Variants in PTPRM observed in about 807,000 individuals in gnomAD.
PTPRM encodes the protein protein tyrosine phosphatase receptor type M.
Under a neutral mutation model 186.7 loss-of-function variants are expected in PTPRM, and 47 were observed. The ratio of observed to expected loss-of-function variants is 0.25; its 90% confidence interval spans 0.20 to 0.32. PTPRM has a LOEUF of 0.32. Ranked by LOEUF, PTPRM falls within the 10% of genes least tolerant of loss-of-function variation. PTPRM has a pLI of 1.00. For synonymous variants in PTPRM, 668 were observed against 674.9 expected (o/e 0.99, Z 0.16); for missense variants, 1,494 against 1,865.0 (o/e 0.80, Z 3.66).
At chr18:7,856,770 T>C (rs73941017) in intron 2 of PTPRM, among the ~76,000 whole-genome samples, 13,993 of 148,738 alleles carry the variant, frequency 0.094, 782 homozygotes, top group South Asian at 0.23. Flanking sequence ...ATCAAGAGTG[T>C]GCCTGCTTTG....
At chr18:7,827,612 G>C (rs2045552259) in intron 2 of PTPRM, among the ~76,000 whole-genome samples, 1 of 152,082 alleles carries the variant, frequency 6.6e-6, no homozygotes. Context: ...AATGATCTTG[G>C]GCACCAAGCA....
chr18:8,043,634 C>T (rs1480855651), intron 7 of PTPRM, among the ~76,000 whole-genome samples: 1 of 151,878 alleles, frequency 6.6e-6, no homozygotes. Flanking sequence ...CTGATGCTTC[C>T]ATGGAGAAGT....
At chr18:8,066,582 T>C (rs530483818) in intron 7 of PTPRM, among the ~76,000 whole-genome samples, 2 of 152,198 alleles carry the variant, frequency 1.3e-5, no homozygotes, top group East Asian at 3.9e-4. Context: ...AGCAACACAT[T>C]AGTAGGCACA....
Position 7,718,246 on chromosome 18 carries a change from C to T in PTPRM, c.74-55903C>T, listed in dbSNP as rs1485826465. Among the ~76,000 whole-genome samples the T allele has an allele frequency of 6.6e-5, 10 of 151,988 alleles. No homozygotes were observed. In the East Asian group the frequency reaches 1.9e-3, roughly 29 times the overall value. On this transcript the variant is annotated intron_variant, in intron 1 of 32. Coordinates refer to ENST00000580170, the MANE Select transcript of PTPRM (RefSeq NM_001105244.2). Reference sequence around the variant, plus strand: ...TAGAACAATGAAACATAATAGAGAACTCAGAAATAAAGCCAAATACAGCCA... The same window carrying T: ...TAGAACAATGAAACATAATAGAGAATTCAGAAATAAAGCCAAATACAGCCA...
chr18:7,956,955 G>A (rs771910433), intron 7 of PTPRM, among the ~76,000 whole-genome samples: 4 of 152,200 alleles, frequency 2.6e-5, no homozygotes, highest in African/African-American at 7.2e-5. Flanking sequence ...TGAAGCCCGT[G>A]TGAGCTCCTT....
intron 19 of PTPRM, among the ~76,000 whole-genome samples, chr18:8,295,402 GGAGAGAACT>G (rs113667692): frequency 0.2 from 29,629 of 151,862 alleles, 3,149 homozygotes; most frequent in South Asian, 0.29. Context: ...CTTCTGTTTG[GGAGAGAACT>G]GAGAGAACTT....
intron 1 of PTPRM, among the ~76,000 whole-genome samples, chr18:7,650,822 T>G (rs1344880097): frequency 6.6e-6 from 1 of 151,126 alleles, no homozygotes; most frequent in Non-Finnish European, 1.5e-5. Context: ...AAAAAAAAAA[T>G]GAATCTAGAC....
intron 20 of PTPRM, among the ~76,000 whole-genome samples, chr18:8,301,533 G>T (rs1389583855): frequency 6.6e-6 from 1 of 152,188 alleles, no homozygotes; most frequent in African/African-American, 2.4e-5. Context: ...AGCTTCCCAG[G>T]CTCCCTTCCT....
intron 13 of PTPRM, among the ~76,000 whole-genome samples, chr18:8,126,833 G>A (rs142634261): frequency 3.3e-5 from 5 of 152,218 alleles, no homozygotes; most frequent in African/African-American, 4.8e-5. Context: ...ACAAAGGTCC[G>A]GTGGTGTGAT....
intron 20 of PTPRM, among the ~76,000 whole-genome samples, chr18:8,309,281 C>G (rs2095250045): frequency 6.6e-6 from 1 of 152,180 alleles, no homozygotes; most frequent in South Asian, 2.1e-4. Context: ...CCAGCAGAAT[C>G]TGTGAGTTTA....
chr18:7,996,129 A>T (rs186559427), intron 7 of PTPRM, among the ~76,000 whole-genome samples: 10 of 152,134 alleles, frequency 6.6e-5, no homozygotes, highest in Middle Eastern at 3.4e-3. Context: ...TAGGTAAAGC[A>T]TGTTGAAGTT....
intron 4 of PTPRM, among the ~76,000 whole-genome samples, chr18:7,917,350 A>G (rs1402026429): frequency 1.3e-5 from 2 of 152,096 alleles, no homozygotes; most frequent in Admixed American, 6.5e-5. Context: ...TGGCTAACAT[A>G]GTGAAACCCC....
intron 1 of PTPRM, among the ~76,000 whole-genome samples, chr18:7,586,417 TG>T (rs1467129415): frequency 6.6e-6 from 1 of 152,096 alleles, no homozygotes; most frequent in Non-Finnish European, 1.5e-5. Context: ...ATCTTTAGTT[TG>T]GGGGGTGACT....
chr18:7,580,860 G>A (rs913428695), intron 1 of PTPRM, among the ~76,000 whole-genome samples: 72 of 152,216 alleles, frequency 4.7e-4, no homozygotes, highest in African/African-American at 1.5e-3. Context: ...ATTGAAGTGT[G>A]CTCTAAGAAA....
chr18:8,245,937 G>T (rs1017957894), intron 15 of PTPRM, among the ~76,000 whole-genome samples: 1 of 152,188 alleles, frequency 6.6e-6, no homozygotes, highest in African/African-American at 2.4e-5. Context: ...AAATGTTCAT[G>T]TACAAACGGC....
At chr18:8,205,868 C>T (rs112323464) in intron 14 of PTPRM, among the ~76,000 whole-genome samples, 8,047 of 152,094 alleles carry the variant, frequency 0.053, 264 homozygotes, top group Middle Eastern at 0.068. Context: ...AAATTGCTAA[C>T]GTTTTTAAAG....
intron 1 of PTPRM, among the ~76,000 whole-genome samples, chr18:7,655,630 G>A (rs979831473): frequency 1.3e-5 from 2 of 152,156 alleles, no homozygotes; most frequent in Non-Finnish European, 2.9e-5. Flanking sequence ...GCCAAAAGTT[G>A]GAATCAACCA....
At chr18:7,978,438 G>A (rs914061762) in intron 7 of PTPRM, among the ~76,000 whole-genome samples, 6 of 152,100 alleles carry the variant, frequency 3.9e-5, no homozygotes, top group Admixed American at 3.9e-4. Context: ...ATTATAAAAC[G>A]GGACTCTATT....
At chr18:7,861,767 T>TGTGA (rs563823651) in intron 2 of PTPRM, among the ~76,000 whole-genome samples, 2 of 148,188 alleles carry the variant, frequency 1.3e-5, no homozygotes, top group African/African-American at 5.0e-5. Context: ...TGTGTGTGTG[T>TGTGA]GAGAGAGAGA....
Sources: gnomAD v4.1 joint callset for allele counts (sites outside exome capture counted in the v4.1 genomes callset) on GRCh38, gnomAD v4.1.1 for gene constraint, MANE v1.5 for transcripts, NCBI Gene and HGNC (gene_info 2026-07-23, HGNC 2026-07-21) for gene names.